Variants in FADS2 observed in about 807,000 individuals in gnomAD.
FADS2 encodes acyl-CoA 6-desaturase.
Under a neutral mutation model 61.2 loss-of-function variants are expected in FADS2, and 18 were observed. That is an observed-to-expected ratio of 0.29 (90% CI 0.20 to 0.44). The LOEUF (loss-of-function observed/expected upper bound fraction) is 0.44. FADS2 is among the 20% of genes least tolerant of loss of function. The pLI is 1.00. For synonymous variants in FADS2, 203 were observed against 223.9 expected (o/e 0.91, Z 0.83); for missense variants, 322 against 572.7 (o/e 0.56, Z 4.47).
chr11:61,841,903 G>A (rs2067220782), intron 4 of FADS2, among the ~76,000 whole-genome samples: 1 of 152,204 alleles, frequency 6.6e-6, no homozygotes, highest in South Asian at 2.1e-4. Flanking sequence ...CCTAGATAAG[G>A]AAGCAGACCA....
intron 1 of FADS2, among the ~76,000 whole-genome samples, chr11:61,832,236 G>GCTC (rs2067136787): frequency 6.6e-6 from 1 of 152,242 alleles, no homozygotes; most frequent in Non-Finnish European, 1.5e-5. Flanking sequence ...CTTTCAACCT[G>GCTC]CTCCTATGTT....
intron 1 of FADS2, among the ~76,000 whole-genome samples, chr11:61,818,834 A>G (rs1049317074): frequency 2.0e-5 from 3 of 151,544 alleles, no homozygotes; most frequent in Non-Finnish European, 4.4e-5. Context: ...AGTTGATTAA[A>G]CTGGAAAAAA....
chr11:61,848,292 T>G lies in FADS2; in HGVS notation c.744+8T>G. On this transcript the variant is annotated splice_region_variant and intron_variant, in intron 5 of 11. Coordinates refer to ENST00000278840, the MANE Select transcript of FADS2 (RefSeq NM_004265.4). Reference sequence around the variant, plus strand: ...GAATGGCAGCCCATCGAGGTACGACTAAGAGGATGGTGTTGACCTAGGAAG... The same window carrying G: ...GAATGGCAGCCCATCGAGGTACGACGAAGAGGATGGTGTTGACCTAGGAAG... 6.2e-7 allele frequency: 1 copy of G among 1,613,974 alleles called. No homozygotes were observed.
At chr11:61,842,832 C>T (rs1374581615) in intron 4 of FADS2, among the ~76,000 whole-genome samples, 1 of 152,246 alleles carries the variant, frequency 6.6e-6, no homozygotes, top group Non-Finnish European at 1.5e-5. Flanking sequence ...GTCTGTGTCT[C>T]TTCCCATCAC....
chr11:61,857,577 G>C (rs752093436), intron 7 of FADS2, 47 bp downstream of exon 7: 29 of 1,541,152 alleles, frequency 1.9e-5, no homozygotes. Context: ...AGGGTGACTG[G>C]GACAGGGGGA....
chr11:61,830,469 A>C (rs1194583367), intron 1 of FADS2, among the ~76,000 whole-genome samples: 11 of 152,254 alleles, frequency 7.2e-5, no homozygotes, highest in Admixed American at 7.2e-4. Context: ...TCCAAAAATC[A>C]GTGCTCACAT....
In FADS2 at chr11:61,840,156, G is replaced by C. The variant is rs912250948; in HGVS notation, c.319-178G>C. 14 of 627,538 alleles carry C rather than the reference G, an allele frequency of 2.2e-5. No individual in the cohort carries two copies. The East Asian group carries it at 3.6e-4, about 16-fold the overall frequency. 38.9% of individuals were successfully genotyped at this position (627,538 alleles called of 1,614,324 possible). The stretch of plus-strand genomic sequence containing the variant: ...ATATACAGGCCCCAGGGCTGTGTGG[G>C]GCATGTGGTAACAGCAGCTATTGTA... On this transcript the variant is annotated intron_variant, in intron 2 of 11. Transcript: ENST00000278840.
chr11:61,856,359 T>C (rs991319545), intron 5 of FADS2: 1 of 152,168 alleles, frequency 6.6e-6, no homozygotes, highest in African/African-American at 2.4e-5. Context: ...GGACCTCAGG[T>C]AGCCAGATGT....
intron 4 of FADS2, among the ~76,000 whole-genome samples, chr11:61,844,474 G>A (rs2067239558): frequency 6.6e-6 from 1 of 152,112 alleles, no homozygotes. Flanking sequence ...ACTTGAACCA[G>A]GGAGGTGGAG....
At chr11:61,856,781 A>G (rs1591178830) in intron 5 of FADS2, 3 of 555,466 alleles carry the variant, frequency 5.4e-6, no homozygotes, top group Non-Finnish European at 9.6e-6. Context: ...CCATCGGGCC[A>G]GTGCTCGGCT....
intron 1 of FADS2, 30 bp from the exon 2 acceptor site, chr11:61,837,748 T>A: frequency 6.7e-7 from 1 of 1,499,112 alleles, no homozygotes; most frequent in South Asian, 1.2e-5. Flanking sequence ...AGTTCAGGTC[T>A]TAGCCTCATC....
At chr11:61,836,136 C>T (rs1004580576) in intron 1 of FADS2, among the ~76,000 whole-genome samples, 3 of 152,126 alleles carry the variant, frequency 2.0e-5, no homozygotes, top group Non-Finnish European at 4.4e-5. Context: ...CTCACTCTGT[C>T]GCCCAGGCTG....
chr11:61,837,092 C>A (rs563800042), intron 1 of FADS2, among the ~76,000 whole-genome samples: 4 of 152,012 alleles, frequency 2.6e-5, no homozygotes, highest in Non-Finnish European at 4.4e-5. Context: ...AAACTCAGCA[C>A]GTTTTTACTT....
intron 7 of FADS2, among the ~76,000 whole-genome samples, chr11:61,858,012 C>T (rs901162077): frequency 1.6e-4 from 25 of 152,218 alleles, no homozygotes; most frequent in Admixed American, 6.5e-4. Context: ...TTCTGGAGAC[C>T]GGAAGTCCAA....
intron 4 of FADS2, among the ~76,000 whole-genome samples, chr11:61,842,177 G>A (rs966401635): frequency 6.6e-6 from 1 of 152,152 alleles, no homozygotes; most frequent in Non-Finnish European, 1.5e-5. Flanking sequence ...GACCGCAACG[G>A]GGCCCTTGGC....
chr11:61,842,578 C>A (rs981041637), intron 4 of FADS2, among the ~76,000 whole-genome samples: 13 of 152,208 alleles, frequency 8.5e-5, no homozygotes, highest in African/African-American at 3.1e-4. Flanking sequence ...GGGGCCAGGA[C>A]AGAGGACTGG....
At position 61,857,465 on chromosome 11, in the gene FADS2, C is replaced by A; in HGVS notation, c.817C>A (p.Leu273Met). The part of the protein sequence containing the change: ...HEYFFLIGPP[L>M]LIPMYFQYQI... ...TCTCTCTCCTGCAGTTGGGCCGCCGCTGCTCATCCCCATGTATTTCCAGTA... is the reference window on the plus strand; with the variant it reads ...TCTCTCTCCTGCAGTTGGGCCGCCGATGCTCATCCCCATGTATTTCCAGTA... The change falls in exon 7 of 12, where the codon CTG becomes ATG. Residue 273 changes from leucine (L) to methionine (M), a missense_variant. Around this residue, in one of 3 missense-constraint regions of FADS2, gnomAD observed 221 missense variants for 427.9 expected, o/e 0.52. Coordinates refer to ENST00000278840, the MANE Select transcript of FADS2 (RefSeq NM_004265.4). The A allele has an allele frequency of 6.2e-7, 1 of 1,614,050 alleles. No homozygotes were observed. Among genetic ancestry groups the A allele is most frequent in the Non-Finnish European group, 8.5e-7 (1 of 1,179,986 alleles).
chr11:61,850,571 C>T (rs1219651952), intron 5 of FADS2, among the ~76,000 whole-genome samples: 1 of 152,144 alleles, frequency 6.6e-6, no homozygotes, highest in African/African-American at 2.4e-5. Context: ...TGAATAAAAG[C>T]CCCACCAATG....
At chr11:61,852,194 C>T (rs573459680) in intron 5 of FADS2, among the ~76,000 whole-genome samples, 14 of 152,288 alleles carry the variant, frequency 9.2e-5, no homozygotes, top group Non-Finnish European at 1.6e-4. Flanking sequence ...ACTCATTCAT[C>T]CTTGGCACTT....
Sources: gnomAD v4.1 joint callset for allele counts (sites outside exome capture counted in the v4.1 genomes callset) on GRCh38, gnomAD v4.1.1 for gene constraint, gnomAD v4.1.1 regional missense constraint, MANE v1.5 for transcripts, NCBI Gene and HGNC (gene_info 2026-07-23, HGNC 2026-07-21) for gene names.